Variants in NELL1 observed in about 807,000 individuals in gnomAD.
NELL1 encodes neural EGFL like 1.
A neutral mutation model predicts 107.4 loss-of-function variants in NELL1; 76 were observed. The observed-to-expected ratio is 0.71, with a 90% CI of 0.59 to 0.86. The LOEUF (loss-of-function observed/expected upper bound fraction) is 0.86. Among genes scored for constraint, NELL1 ranks in the 40% least tolerant of loss-of-function variants. NELL1 has a pLI of 0.00. For synonymous variants in NELL1, 353 were observed against 341.2 expected, an observed-to-expected ratio of 1.03 and a Z score of -0.38; for missense variants, 1,024 against 1,005.5, an observed-to-expected ratio of 1.02 and a Z score of -0.25.
At chr11:20,808,295 A>G (rs1334753912) in intron 3 of NELL1, among the ~76,000 whole-genome samples, 2 of 152,144 alleles carry the variant, frequency 1.3e-5, no homozygotes, top group Admixed American at 6.5e-5. Context: ...AGGTATATCT[A>G]GAAATGTCAT....
chr11:21,499,293 G>A (rs1855074714), intron 15 of NELL1, among the ~76,000 whole-genome samples: 1 of 151,964 alleles, frequency 6.6e-6, no homozygotes, highest in African/African-American at 2.4e-5. Flanking sequence ...TGTCAGAGGA[G>A]CTATTTGTTC....
At chr11:20,876,797 A>C (rs1234627627) in intron 4 of NELL1, among the ~76,000 whole-genome samples, 1 of 151,532 alleles carries the variant, frequency 6.6e-6, no homozygotes. Flanking sequence ...CAAACAAAAA[A>C]CCCAGATAGC....
At chr11:21,318,424 C>A (rs1043695225) in intron 14 of NELL1, among the ~76,000 whole-genome samples, 1 of 152,122 alleles carries the variant, frequency 6.6e-6, no homozygotes. Flanking sequence ...AAAATCATTT[C>A]TAGGGGCTTC....
intron 13 of NELL1, among the ~76,000 whole-genome samples, chr11:21,160,203 A>G (rs1019967955): frequency 3.3e-5 from 5 of 152,222 alleles, no homozygotes; most frequent in Non-Finnish European, 5.9e-5. Context: ...TTCAGGGGGT[A>G]ATTTAAAGTA....
intron 13 of NELL1, among the ~76,000 whole-genome samples, chr11:21,130,896 C>A (rs1565075206): frequency 7.1e-6 from 1 of 141,408 alleles, no homozygotes; most frequent in Non-Finnish European, 1.5e-5. Context: ...TGTCACGGTC[C>A]CTAATTGGGC....
At chr11:21,234,409 T>C (rs377150946) in intron 14 of NELL1, among the ~76,000 whole-genome samples, 29 of 152,298 alleles carry the variant, frequency 1.9e-4, no homozygotes, top group African/African-American at 6.5e-4. Context: ...ACTTGGTATA[T>C]TCATGTGGCC....
chr11:21,022,355 A>G (rs1307717015), intron 12 of NELL1, among the ~76,000 whole-genome samples: 4 of 152,120 alleles, frequency 2.6e-5, no homozygotes, highest in Non-Finnish European at 2.9e-5. Flanking sequence ...TTCTAATGGT[A>G]AATTGTATAG....
chr11:20,916,535 G>A (rs1331791727), intron 5 of NELL1, among the ~76,000 whole-genome samples: 2 of 151,796 alleles, frequency 1.3e-5, no homozygotes, highest in African/African-American at 4.8e-5. Flanking sequence ...TTCCATGGAT[G>A]ATAAAAATAA....
chr11:21,054,893 A>C (rs921913516), intron 12 of NELL1, among the ~76,000 whole-genome samples: 3 of 151,808 alleles, frequency 2.0e-5, no homozygotes, highest in East Asian at 1.9e-4. Context: ...GACATTTTTG[A>C]TTTATGTCAT....
At chr11:21,350,152 T>G (rs1850773245) in intron 14 of NELL1, among the ~76,000 whole-genome samples, 1 of 152,148 alleles carries the variant, frequency 6.6e-6, no homozygotes, top group Admixed American at 6.6e-5. Context: ...TGATTCACTT[T>G]ATTTAATTAT....
intron 16 of NELL1, among the ~76,000 whole-genome samples, chr11:21,551,254 G>C (rs1856575132): frequency 6.6e-6 from 1 of 151,932 alleles, no homozygotes; most frequent in South Asian, 2.1e-4. Context: ...GAGACCATAG[G>C]GTTTTCTACA....
intron 12 of NELL1, among the ~76,000 whole-genome samples, chr11:21,019,205 G>A (rs186103571): frequency 1.8e-4 from 28 of 152,064 alleles, no homozygotes; most frequent in African/African-American, 6.3e-4. Context: ...TTACCTCCTA[G>A]GGTGTGTTAG....
chr11:20,733,043 G>C (rs11025725), intron 2 of NELL1, among the ~76,000 whole-genome samples: 18,211 of 152,072 alleles, frequency 0.12, 1,179 homozygotes, highest in Non-Finnish European at 0.15. Flanking sequence ...GTCTCAATTT[G>C]TTCGATTGTA....
At chr11:21,021,246 A>G (rs1852693712) in intron 12 of NELL1, among the ~76,000 whole-genome samples, 1 of 151,740 alleles carries the variant, frequency 6.6e-6, no homozygotes. Context: ...TCTGAATGCA[A>G]CAATGAATAC....
chr11:20,916,346 T>C (rs74801921), intron 5 of NELL1, among the ~76,000 whole-genome samples: 6,395 of 151,976 alleles, frequency 0.042, 193 homozygotes, highest in East Asian at 0.1. Flanking sequence ...GATTTGTAAA[T>C]CATAATGTCA....
intron 12 of NELL1, among the ~76,000 whole-genome samples, chr11:20,999,799 C>T (rs1049224740): frequency 2.6e-5 from 4 of 151,132 alleles, no homozygotes; most frequent in Non-Finnish European, 4.4e-5. Context: ...GAATTTTCAG[C>T]TGTTTTAACT....
intron 12 of NELL1, among the ~76,000 whole-genome samples, chr11:21,109,391 G>C (rs1332482879): frequency 6.6e-6 from 1 of 152,072 alleles, no homozygotes; most frequent in East Asian, 1.9e-4. Context: ...TCCTAGTAAA[G>C]CTTTCTGGAC....
chr11:20,923,573 C>T (rs1850427094), intron 7 of NELL1, among the ~76,000 whole-genome samples: 1 of 152,166 alleles, frequency 6.6e-6, no homozygotes, highest in South Asian at 2.1e-4. Flanking sequence ...AACTACCTAC[C>T]TGCTGGGAAC....
At chr11:21,522,526 G>A (rs536976917) in intron 15 of NELL1, among the ~76,000 whole-genome samples, 3 of 152,174 alleles carry the variant, frequency 2.0e-5, no homozygotes, top group East Asian at 1.9e-4. Flanking sequence ...ACACATGAAC[G>A]TACAATGTGA....
Sources: allele counts gnomAD v4.1 joint callset (sites outside exome capture counted in the v4.1 genomes callset), GRCh38; gene constraint gnomAD v4.1.1; transcripts MANE v1.5; gene names NCBI Gene and HGNC (gene_info 2026-07-23, HGNC 2026-07-21).